B4GALNT3: variants seen among roughly 807,000 people sequenced by gnomAD.
B4GALNT3 encodes beta-1,4-N-acetylgalactosaminyltransferase 3.
In B4GALNT3, 86 loss-of-function variants were observed where a neutral mutation model predicts 120.2. The observed-to-expected ratio is 0.72, with a 90% CI of 0.60 to 0.86. The LOEUF (loss-of-function observed/expected upper bound fraction) is 0.86. Ranked by LOEUF, B4GALNT3 falls within the 40% of genes least tolerant of loss-of-function variation. The pLI is 0.00. For missense variants in B4GALNT3, 1,167 were observed against 1,298.9 expected (o/e 0.90, Z 1.56); for synonymous variants, 518 against 510.4 (o/e 1.01, Z -0.20).
At chr12:513,309 A>G (rs989996599) in intron 1 of B4GALNT3, among the ~76,000 whole-genome samples, 2 of 152,266 alleles carry the variant, frequency 1.3e-5, no homozygotes, top group African/African-American at 4.8e-5. Flanking sequence ...GTAAAGGAGT[A>G]AAACAATGAC....
At chr12:521,779 C>T in intron 1 of B4GALNT3, among the ~76,000 whole-genome samples, 1 of 152,178 alleles carries the variant, frequency 6.6e-6, no homozygotes, top group African/African-American at 2.4e-5. Context: ...CCTGTACCGG[C>T]CTCACTGAGG....
intron 1 of B4GALNT3, among the ~76,000 whole-genome samples, chr12:526,106 C>T (rs1161245588): frequency 1.3e-5 from 2 of 152,208 alleles, no homozygotes; most frequent in Non-Finnish European, 2.9e-5. Flanking sequence ...TGCCAGAGCG[C>T]ATCCTCAAGT....
chr12:506,451 TACTTAAA>T (rs1425915855), intron 1 of B4GALNT3, among the ~76,000 whole-genome samples: 6 of 152,160 alleles, frequency 3.9e-5, no homozygotes, highest in African/African-American at 1.2e-4. Flanking sequence ...CTCTTTTTTC[TACTTAAA>T]AACATTTTAT....
At chr12:531,326 GCTGGCCCAC>G (rs1457438470) in intron 1 of B4GALNT3, among the ~76,000 whole-genome samples, 1 of 151,932 alleles carries the variant, frequency 6.6e-6, no homozygotes, top group Non-Finnish European at 1.5e-5. Flanking sequence ...CTGGCCCACT[GCTGGCCCAC>G]TGCTTACTAC....
At chr12:519,161 C>T (rs1231205786) in intron 1 of B4GALNT3, among the ~76,000 whole-genome samples, 1 of 152,206 alleles carries the variant, frequency 6.6e-6, no homozygotes, top group Non-Finnish European at 1.5e-5. Flanking sequence ...CTCAGTGCCT[C>T]AGCCCACTCA....
intron 1 of B4GALNT3, among the ~76,000 whole-genome samples, chr12:473,478 GAGA>G (rs1165912649): frequency 6.6e-6 from 1 of 152,198 alleles, no homozygotes; most frequent in Non-Finnish European, 1.5e-5. Flanking sequence ...AGGGTTGATG[GAGA>G]AGGTGATGGA....
chr12:502,510 T>A (rs1946454732), intron 1 of B4GALNT3, among the ~76,000 whole-genome samples: 1 of 151,686 alleles, frequency 6.6e-6, no homozygotes, highest in African/African-American at 2.4e-5. Flanking sequence ...CTGAGAGACA[T>A]GTTAAGAGAC....
intron 1 of B4GALNT3, among the ~76,000 whole-genome samples, chr12:464,322 A>G (rs778044817): frequency 7.2e-5 from 11 of 152,200 alleles, no homozygotes; most frequent in Non-Finnish European, 1.3e-4. Context: ...CAAAGATTCT[A>G]TCTGAAGGCA....
intron 1 of B4GALNT3, among the ~76,000 whole-genome samples, chr12:500,865 C>CTTTTGTTTTTTTTTTTTTT (rs1946433352): frequency 1.6e-5 from 1 of 61,830 alleles, no homozygotes; most frequent in African/African-American, 7.5e-5. Flanking sequence ...GGCTCCACTG[C>CTTTTGTTTTTTTTTTTTTT]TTTTTTTTTT....
At chr12:472,272 T>C (rs1422331206) in intron 1 of B4GALNT3, among the ~76,000 whole-genome samples, 2 of 152,166 alleles carry the variant, frequency 1.3e-5, no homozygotes, top group Non-Finnish European at 2.9e-5. Flanking sequence ...ATTTATTTTA[T>C]TGATTAACTG....
At chr12:503,600 A>G (rs1250923415) in intron 1 of B4GALNT3, among the ~76,000 whole-genome samples, 1 of 152,130 alleles carries the variant, frequency 6.6e-6, no homozygotes, top group African/African-American at 2.4e-5. Flanking sequence ...AAAGATGCCA[A>G]AGTCAGCTTT....
chr12:500,795 C>T (rs936835345), intron 1 of B4GALNT3, among the ~76,000 whole-genome samples: 4 of 149,322 alleles, frequency 2.7e-5, no homozygotes, highest in African/African-American at 2.5e-5. Context: ...GCTCAATGCC[C>T]GTATTATGGT....
At chr12:552,291 CTACACA>C (rs1947092242) in intron 12 of B4GALNT3, 128 bp downstream of exon 12, 2 of 680,408 alleles carry the variant, frequency 2.9e-6, no homozygotes, top group African/African-American at 2.6e-5. Context: ...TTCCTGAGTA[CTACACA>C]CACACACACA....
rs563412665 is a variant in B4GALNT3 at position 558,037 on chromosome 12, T to G, written c.2556T>G (p.Ser852Arg). The G allele has an allele frequency of 5.6e-6, 9 of 1,613,808 alleles. No homozygotes were observed. Among genetic ancestry groups the G allele is most frequent in the Non-Finnish European group, 6.8e-6 (8 of 1,180,008 alleles). ...GCAGCTACCAGTACGTGAAGCTAAG[T>G]GGAAACTTTGAACGCTCAGCTGGAC... is the stretch of plus-strand genomic sequence containing the variant. The part of the protein sequence containing the change: ...KLRSYQYVKL[S>R]GNFERSAGLQ... Residue 852 changes from serine to arginine, a missense_variant, in exon 17 of 20, where the codon AGT becomes AGG. By Grantham distance (110) the Ser-to-Arg change is moderately radical (BLOSUM62 -1). This residue lies in a region of B4GALNT3 where 983 missense variants were observed against 1,102.5 expected (regional missense o/e 0.89). Transcript: ENST00000266383.
chr12:463,042 C>T (rs1307333357), intron 1 of B4GALNT3, among the ~76,000 whole-genome samples: 1 of 152,214 alleles, frequency 6.6e-6, no homozygotes, highest in Admixed American at 6.5e-5. Context: ...GCCTCAACCA[C>T]AGCAACCAGA....
intron 1 of B4GALNT3, among the ~76,000 whole-genome samples, chr12:506,199 T>G (rs1219616610): frequency 6.6e-6 from 1 of 152,164 alleles, no homozygotes; most frequent in Non-Finnish European, 1.5e-5. Flanking sequence ...GGAAAATCGT[T>G]CTTCATTTGT....
intron 11 of B4GALNT3, 21 bp downstream of exon 11, chr12:551,052 A>G (rs1191962192): frequency 6.4e-7 from 1 of 1,571,548 alleles, no homozygotes; most frequent in African/African-American, 1.4e-5. Flanking sequence ...GGCCTGGGTC[A>G]TGGAGAGCAG....
intron 6 of B4GALNT3, among the ~76,000 whole-genome samples, chr12:545,743 T>G (rs1325995592): frequency 5.8e-5 from 4 of 68,780 alleles, no homozygotes; most frequent in South Asian, 5.7e-4. Context: ...GAGCGAGGAG[T>G]GGGGAGGAGT....
chr12:492,408 C>T (rs1946350816), intron 1 of B4GALNT3, among the ~76,000 whole-genome samples: 1 of 152,096 alleles, frequency 6.6e-6, no homozygotes, highest in Non-Finnish European at 1.5e-5. Flanking sequence ...ATAAGTCTAA[C>T]AAAATATTTG....
Sources: allele counts gnomAD v4.1 joint callset (sites outside exome capture counted in the v4.1 genomes callset), GRCh38; gene constraint gnomAD v4.1.1; regional missense constraint gnomAD v4.1.1; transcripts MANE v1.5; gene names NCBI Gene and HGNC (gene_info 2026-07-23, HGNC 2026-07-21).